Variants in GATAD2B observed in about 807,000 individuals in gnomAD.
GATAD2B encodes GATA zinc finger domain containing 2B.
A neutral mutation model predicts 64.3 loss-of-function variants in GATAD2B; 8 were observed. That is an observed-to-expected ratio of 0.12 (90% CI 0.07 to 0.22). The LOEUF (loss-of-function observed/expected upper bound fraction) is 0.22. Ranked by LOEUF, GATAD2B falls within the 10% of genes least tolerant of loss-of-function variation. The pLI is 1.00. For missense variants in GATAD2B, 453 were observed against 752.0 expected (o/e 0.60, Z 4.65); for synonymous variants, 281 against 271.3 (o/e 1.04, Z -0.35).
chr1:153,876,674 C>A (rs995569637), intron 1 of GATAD2B, among the ~76,000 whole-genome samples: 1 of 152,174 alleles, frequency 6.6e-6, no homozygotes, highest in Non-Finnish European at 1.5e-5. Flanking sequence ...TTCTGACATA[C>A]ACGAAAGCAA....
At chr1:153,871,501 C>T (rs966302991) in intron 1 of GATAD2B, among the ~76,000 whole-genome samples, 1 of 152,014 alleles carries the variant, frequency 6.6e-6, no homozygotes, top group African/African-American at 2.4e-5. Flanking sequence ...TGTACCCAGC[C>T]AGAGAAAGAG....
intron 1 of GATAD2B, among the ~76,000 whole-genome samples, chr1:153,893,955 TAAAAAAAAAAAAA>T (rs57287798): frequency 5.8e-5 from 4 of 68,632 alleles, no homozygotes; most frequent in African/African-American, 1.3e-4. Flanking sequence ...AGACTCCATC[TAAAAAAAAAAAAA>T]AAAAAAAAAA....
chr1:153,865,956 T>G (rs924434963), intron 1 of GATAD2B, among the ~76,000 whole-genome samples: 3 of 151,878 alleles, frequency 2.0e-5, no homozygotes, highest in South Asian at 4.2e-4. Flanking sequence ...TGTAATCCCA[T>G]CACTTTGGGA....
chr1:153,853,015 A>C, intron 1 of GATAD2B: 1 of 1,301,682 alleles, frequency 7.7e-7, no homozygotes, highest in Non-Finnish European at 1.1e-6. Context: ...CTTGTCCATC[A>C]ACCCTGTGAT....
intron 1 of GATAD2B, among the ~76,000 whole-genome samples, chr1:153,842,137 C>G (rs1168113226): frequency 1.3e-5 from 2 of 152,154 alleles, no homozygotes; most frequent in African/African-American, 4.8e-5. Context: ...CTGCACCTGG[C>G]TGGTGTCATT....
chr1:153,876,624 C>G (rs1470089609), intron 1 of GATAD2B, among the ~76,000 whole-genome samples: 1 of 152,208 alleles, frequency 6.6e-6, no homozygotes, highest in Non-Finnish European at 1.5e-5. Flanking sequence ...AGGAGGTAAA[C>G]AGCTTTCTCC....
At chr1:153,906,184 C>G (rs1262472605) in intron 1 of GATAD2B, among the ~76,000 whole-genome samples, 1 of 151,236 alleles carries the variant, frequency 6.6e-6, no homozygotes, top group African/African-American at 2.4e-5. Context: ...CAGAGGCTCT[C>G]TTGATCTCAC....
At chr1:153,844,210 G>A (rs923764336) in intron 1 of GATAD2B, among the ~76,000 whole-genome samples, 1 of 151,756 alleles carries the variant, frequency 6.6e-6, no homozygotes. Context: ...ATCCAAGACT[G>A]GGGGAAAAAA....
intron 1 of GATAD2B, among the ~76,000 whole-genome samples, chr1:153,845,255 T>C (rs189726092): frequency 1.3e-5 from 2 of 152,144 alleles, no homozygotes; most frequent in South Asian, 2.1e-4. Flanking sequence ...TTACGGTCAA[T>C]TGATTTTTCA....
At chr1:153,820,919 T>A (rs924718641) in intron 2 of GATAD2B, among the ~76,000 whole-genome samples, 1 of 150,364 alleles carries the variant, frequency 6.7e-6, no homozygotes, top group Non-Finnish European at 1.5e-5. Context: ...TGATCACAGA[T>A]CGCTAGCTGT....
At chr1:153,899,984 T>C (rs1677718723) in intron 1 of GATAD2B, among the ~76,000 whole-genome samples, 2 of 152,216 alleles carry the variant, frequency 1.3e-5, no homozygotes, top group African/African-American at 4.8e-5. Flanking sequence ...AGCACACGTA[T>C]ACACAAATTG....
At chr1:153,916,007 C>T (rs1000663336) in intron 1 of GATAD2B, among the ~76,000 whole-genome samples, 2 of 152,004 alleles carry the variant, frequency 1.3e-5, no homozygotes, top group African/African-American at 2.4e-5. Flanking sequence ...CAGCCGGGTG[C>T]GGTGGCTCAC....
chr1:153,810,616 C>T (rs776107153), intron 10 of GATAD2B, among the ~76,000 whole-genome samples: 4 of 151,730 alleles, frequency 2.6e-5, no homozygotes, highest in Non-Finnish European at 5.9e-5. Context: ...CACTACTGCC[C>T]GGCTATTTTT....
intron 1 of GATAD2B, among the ~76,000 whole-genome samples, chr1:153,869,812 A>G (rs12042989): frequency 0.29 from 44,453 of 152,080 alleles, 6,724 homozygotes; most frequent in Admixed American, 0.39. Flanking sequence ...TGTGTGTACC[A>G]CTTGAAGATC....
At chr1:153,831,806 T>C (rs1236442592) in intron 1 of GATAD2B, among the ~76,000 whole-genome samples, 1 of 152,206 alleles carries the variant, frequency 6.6e-6, no homozygotes, top group Non-Finnish European at 1.5e-5. Context: ...CCATGGTAAG[T>C]TGGGCAGAGT....
intron 1 of GATAD2B, among the ~76,000 whole-genome samples, chr1:153,889,335 C>A (rs1012986223): frequency 2.1e-5 from 3 of 145,596 alleles, no homozygotes; most frequent in Non-Finnish European, 4.5e-5. Flanking sequence ...TTGCTTGAAC[C>A]CAGGAGGCGG....
At chr1:153,888,272 GA>G (rs1448962641) in intron 1 of GATAD2B, among the ~76,000 whole-genome samples, 1 of 150,218 alleles carries the variant, frequency 6.7e-6, no homozygotes, top group Non-Finnish European at 1.5e-5. Flanking sequence ...CCTATCCTTG[GA>G]AAAAAAACCA....
intron 1 of GATAD2B, among the ~76,000 whole-genome samples, chr1:153,908,523 C>T (rs1183306857): frequency 6.6e-6 from 1 of 151,394 alleles, no homozygotes; most frequent in African/African-American, 2.4e-5. Context: ...GTTGCCCAGG[C>T]TGGAATCCAA....
At chr1:153,843,513 G>A (rs906351552) in intron 1 of GATAD2B, among the ~76,000 whole-genome samples, 5 of 152,016 alleles carry the variant, frequency 3.3e-5, no homozygotes, top group Non-Finnish European at 7.4e-5. Flanking sequence ...GGCCTCACAC[G>A]ATCCTCCTGC....
Sources: allele counts gnomAD v4.1 joint callset (sites outside exome capture counted in the v4.1 genomes callset), GRCh38; gene constraint gnomAD v4.1.1; transcripts MANE v1.5; gene names NCBI Gene and HGNC (gene_info 2026-07-23, HGNC 2026-07-21).